RUNX1: variants seen among roughly 807,000 people sequenced by gnomAD.
RUNX1 encodes the protein runt-related transcription factor 1.
RUNX1 carries 19 observed loss-of-function variants against 42.8 expected under a neutral mutation model. That is an observed-to-expected ratio of 0.44 (90% CI 0.31 to 0.65). RUNX1 has a LOEUF of 0.65. Among genes scored for constraint, RUNX1 ranks in the 30% least tolerant of loss-of-function variants. The probability of loss-of-function intolerance (pLI) is 0.07; values close to 1 mark genes in which losing one functional copy is unlikely to be tolerated. For missense variants in RUNX1, 528 were observed against 672.0 expected, an observed-to-expected ratio of 0.79 and a Z score of 2.37; for synonymous variants, 271 against 289.4, an observed-to-expected ratio of 0.94 and a Z score of 0.64.
At chr21:34,803,419 C>T (rs991508608) in intron 7 of RUNX1, among the ~76,000 whole-genome samples, 1 of 151,782 alleles carries the variant, frequency 6.6e-6, no homozygotes, top group African/African-American at 2.4e-5. Flanking sequence ...TGGTGGCGGG[C>T]GCCTGTAGTC....
chr21:34,927,511 C>T (rs74590922), intron 2 of RUNX1, among the ~76,000 whole-genome samples: 2,979 of 152,296 alleles, frequency 0.02, 61 homozygotes, highest in African/African-American at 0.061. Flanking sequence ...TTCTCCTCTG[C>T]GCCTTGGGTG....
At chr21:34,889,455 G>A (rs1433631816) in intron 3 of RUNX1, among the ~76,000 whole-genome samples, 1 of 152,122 alleles carries the variant, frequency 6.6e-6, no homozygotes, top group Non-Finnish European at 1.5e-5. Context: ...GTGCGTCAGC[G>A]GCCAGCGAAG....
At chr21:34,845,954 T>C (rs754654467) in intron 6 of RUNX1, among the ~76,000 whole-genome samples, 16 of 152,144 alleles carry the variant, frequency 1.1e-4, no homozygotes, top group South Asian at 2.1e-4. Flanking sequence ...CCAAAGCTGT[T>C]TGCGGCTAGA....
intron 7 of RUNX1, among the ~76,000 whole-genome samples, chr21:34,805,066 A>G (rs1015138832): frequency 6.6e-6 from 1 of 151,996 alleles, no homozygotes; most frequent in South Asian, 2.1e-4. Flanking sequence ...AACTCTTAAC[A>G]CTCAAAAGCA....
intron 2 of RUNX1, among the ~76,000 whole-genome samples, chr21:35,002,886 T>C (rs2059057142): frequency 6.6e-6 from 1 of 152,184 alleles, no homozygotes; most frequent in Admixed American, 6.5e-5. Flanking sequence ...GAGTGTAAAA[T>C]GTATGAGAAA....
chr21:34,930,289 T>TAAATAAATAA lies in RUNX1; in HGVS notation c.59-37327_59-37326insTTATTTATTT, dbSNP rs1383003842. Among the ~76,000 whole-genome samples, 60 of 137,332 alleles carry TAAATAAATAA rather than the reference T, an allele frequency of 4.4e-4. 1 individual carries two copies. Among genetic ancestry groups the TAAATAAATAA allele is most frequent in the African/African-American group, 1.8e-3 (56 of 31,990 alleles). The allele number at this position is 137,332 out of a possible 152,430, so 90.1% of individuals were successfully genotyped here. On this transcript the variant is annotated intron_variant, in intron 2 of 8. Coordinates refer to ENST00000675419, the MANE Select transcript of RUNX1 (RefSeq NM_001754.5). Reference sequence around the variant, plus strand: ...GTGTATGTATATATATATATATATATATAAATAAATAAATAAAATTTTACA... The same window carrying TAAATAAATAA: ...GTGTATGTATATATATATATATATATAAATAAATAAATAAATAAATAAATAAAATTTTACA...
At chr21:35,022,422 G>A (rs1325108624) in intron 2 of RUNX1, among the ~76,000 whole-genome samples, 1 of 152,202 alleles carries the variant, frequency 6.6e-6, no homozygotes, top group Non-Finnish European at 1.5e-5. Flanking sequence ...AGCAGGAGCT[G>A]GGGAACATTT....
intron 2 of RUNX1, among the ~76,000 whole-genome samples, chr21:34,989,860 C>T (rs1463053959): frequency 2.0e-5 from 3 of 152,180 alleles, no homozygotes; most frequent in Non-Finnish European, 4.4e-5. Context: ...ACTCCCTGGG[C>T]TTTGCCTGCC....
chr21:34,902,544 A>AC (rs2058185716), intron 2 of RUNX1, among the ~76,000 whole-genome samples: 1 of 152,034 alleles, frequency 6.6e-6, no homozygotes, highest in African/African-American at 2.4e-5. Context: ...CACACACACA[A>AC]ATATATTATC....
chr21:34,832,297 T>C (rs2057074878), intron 7 of RUNX1, among the ~76,000 whole-genome samples: 1 of 152,132 alleles, frequency 6.6e-6, no homozygotes. Context: ...CTTCCCCCCA[T>C]TTTTTTGTTT....
At chr21:35,044,970 T>C (rs554714648) in intron 2 of RUNX1, among the ~76,000 whole-genome samples, 1 of 152,308 alleles carries the variant, frequency 6.6e-6, no homozygotes, top group East Asian at 1.9e-4. Context: ...TGAGCAGCTG[T>C]GGGGCCTCCT....
intron 2 of RUNX1, among the ~76,000 whole-genome samples, chr21:34,978,923 A>AAC (rs1166279390): frequency 1.3e-4 from 11 of 87,592 alleles, no homozygotes; most frequent in Admixed American, 2.4e-4. Flanking sequence ...TCTCAGACAA[A>AAC]ACACACACAC....
Position 34,888,689 on chromosome 21 carries a change from T to A in RUNX1, c.98-1593A>T. 4.8e-6 allele frequency: 5 copies of A among 1,038,002 alleles called. No individual in the cohort carries two copies. In the South Asian group the frequency reaches 1.4e-4, roughly 29 times the overall value. The allele number at this position is 1,038,002 out of a possible 1,614,324, so 64.3% of individuals were successfully genotyped here. A position where few individuals can be genotyped will look rare whatever the true frequency, so the allele number is the denominator to read the frequency against. ...GTCCCGCCCGCGCCCGCTGGCTCTA[T>A]GAATGAGAGTGCCTGGAAATGAACG... is the stretch of plus-strand genomic sequence containing the variant. On this transcript the variant is annotated intron_variant, in intron 3 of 8. Transcript: ENST00000675419.
intron 7 of RUNX1, among the ~76,000 whole-genome samples, chr21:34,819,912 C>A (rs1463633747): frequency 6.6e-6 from 1 of 152,254 alleles, no homozygotes; most frequent in Non-Finnish European, 1.5e-5. Context: ...CTTAAAGGGC[C>A]GGGCTTGTGG....
At chr21:34,998,339 C>T (rs549837821) in intron 2 of RUNX1, among the ~76,000 whole-genome samples, 7 of 152,066 alleles carry the variant, frequency 4.6e-5, no homozygotes, top group South Asian at 4.2e-4. Flanking sequence ...GACCACACAA[C>T]GTCCAGAGAC....
At chr21:34,848,703 G>C (rs2057351685) in intron 6 of RUNX1, among the ~76,000 whole-genome samples, 1 of 152,194 alleles carries the variant, frequency 6.6e-6, no homozygotes, top group African/African-American at 2.4e-5. Context: ...CCAAAGTGCT[G>C]GGATTACAGG....
chr21:35,008,170 A>G (rs748722973), intron 2 of RUNX1, among the ~76,000 whole-genome samples: 4 of 152,092 alleles, frequency 2.6e-5, no homozygotes, highest in African/African-American at 4.8e-5. Flanking sequence ...GCATTCTCCA[A>G]AAACTTTCCC....
chr21:35,047,798 C>A (rs191572538), intron 2 of RUNX1, among the ~76,000 whole-genome samples: 5 of 152,276 alleles, frequency 3.3e-5, no homozygotes, highest in Admixed American at 3.3e-4. Context: ...CATCCCAGCC[C>A]ACTCCATCTC....
chr21:34,813,579 C>G (rs926270194), intron 7 of RUNX1, among the ~76,000 whole-genome samples: 1 of 152,066 alleles, frequency 6.6e-6, no homozygotes, highest in Non-Finnish European at 1.5e-5. Flanking sequence ...GTCTCATGGC[C>G]TGGCACCCAG....
Sources: gnomAD v4.1 joint callset for allele counts (sites outside exome capture counted in the v4.1 genomes callset) on GRCh38, gnomAD v4.1.1 for gene constraint, MANE v1.5 for transcripts, NCBI Gene and HGNC (gene_info 2026-07-23, HGNC 2026-07-21) for gene names.